Variants in LITAF observed in about 807,000 individuals in gnomAD.
LITAF encodes lipopolysaccharide-induced tumor necrosis factor-alpha factor.
Under a neutral mutation model 14.5 loss-of-function variants are expected in LITAF, and 9 were observed. The observed-to-expected ratio is 0.62, with a 90% CI of 0.37 to 1.08. The LOEUF is 1.08. Ranked by LOEUF, LITAF falls within the 50% of genes least tolerant of loss-of-function variation. The probability of loss-of-function intolerance (pLI) is 0.01; values close to 1 mark genes in which losing one functional copy is unlikely to be tolerated. For synonymous variants in LITAF, 98 were observed against 88.2 expected (o/e 1.11, Z -0.62); for missense variants, 206 against 213.4 (o/e 0.97, Z 0.22).
intron 1 of LITAF, among the ~76,000 whole-genome samples, chr16:11,572,405 CAG>C (rs1394132090): frequency 6.6e-6 from 1 of 151,940 alleles, no homozygotes; most frequent in Non-Finnish European, 1.5e-5. Context: ...TAAAACCACA[CAG>C]AGACAGATGA....
intron 3 of LITAF, among the ~76,000 whole-genome samples, chr16:11,550,873 C>A (rs1265586029): frequency 2.6e-5 from 4 of 152,164 alleles, no homozygotes; most frequent in Admixed American, 1.3e-4. Flanking sequence ...AGAAGACAGC[C>A]ACAGAGAATC....
intron 1 of LITAF, among the ~76,000 whole-genome samples, chr16:11,571,953 G>A (rs1365155821): frequency 6.6e-6 from 1 of 151,926 alleles, no homozygotes; most frequent in East Asian, 1.9e-4. Context: ...GCCAGGCGTG[G>A]TGGTGCGCAC....
chr16:11,636,336 C>T (rs2065138219), exon 1 of LITAF: 1 of 152,216 alleles, frequency 6.6e-6, no homozygotes, highest in African/African-American at 2.4e-5. Context: ...GAAAGAGAAG[C>T]GCTCTCTGCG....
intron 3 of LITAF, among the ~76,000 whole-genome samples, chr16:11,616,499 A>G (rs2065020591): frequency 6.6e-6 from 1 of 151,820 alleles, no homozygotes; most frequent in Admixed American, 6.6e-5. Context: ...ACAAGAAAAA[A>G]AAAAAGAAAA....
At chr16:11,615,221 T>C (rs2065009929) in intron 3 of LITAF, among the ~76,000 whole-genome samples, 1 of 152,000 alleles carries the variant, frequency 6.6e-6, no homozygotes, top group Non-Finnish European at 1.5e-5. Flanking sequence ...GGGGTGTAAA[T>C]GGCATGGGCA....
chr16:11,590,493 T>G (rs2064840959), upstream of LITAF, among the ~76,000 whole-genome samples: 1 of 117,330 alleles, frequency 8.5e-6, no homozygotes, highest in Non-Finnish European at 1.7e-5. Context: ...GTAAATTACA[T>G]GAGATATTCA....
At chr16:11,562,688 A>G (rs2064388280) in intron 1 of LITAF, among the ~76,000 whole-genome samples, 1 of 152,182 alleles carries the variant, frequency 6.6e-6, no homozygotes, top group African/African-American at 2.4e-5. Flanking sequence ...CTTGAGCCCA[A>G]GAGTTTGAGA....
chr16:11,627,085 G>GC (rs1203257537), intron 3 of LITAF, among the ~76,000 whole-genome samples: 1 of 152,098 alleles, frequency 6.6e-6, no homozygotes, highest in Non-Finnish European at 1.5e-5. Context: ...TGCTGCAGAC[G>GC]CGTCCCTCCT....
At chr16:11,571,861 G>A (rs531314175) in intron 1 of LITAF, among the ~76,000 whole-genome samples, 63 of 152,260 alleles carry the variant, frequency 4.1e-4, no homozygotes, top group Non-Finnish European at 6.5e-4. Context: ...ACTTTGGGAG[G>A]TGAGGTGGGG....
At chr16:11,607,376 C>T (rs774100787) in intron 3 of LITAF, among the ~76,000 whole-genome samples, 2 of 152,204 alleles carry the variant, frequency 1.3e-5, no homozygotes, top group Non-Finnish European at 2.9e-5. Flanking sequence ...AAGCCCTTCA[C>T]ACCCAAGAAG....
chr16:11,627,878 G>A (rs189554492), intron 3 of LITAF, among the ~76,000 whole-genome samples: 1 of 151,856 alleles, frequency 6.6e-6, no homozygotes, highest in Admixed American at 6.6e-5. Context: ...TTAGCCGGGC[G>A]TGGTACCACA....
chr16:11,554,840 A>G (rs935801366), intron 2 of LITAF, among the ~76,000 whole-genome samples: 9 of 151,796 alleles, frequency 5.9e-5, no homozygotes, highest in African/African-American at 2.2e-4. Flanking sequence ...AAAATCATCA[A>G]GCACTTCAGT....
intron 2 of LITAF, 181 bp downstream of exon 2, chr16:11,556,330 C>G (rs1282475765): frequency 4.9e-6 from 3 of 609,590 alleles, no homozygotes; most frequent in African/African-American, 3.7e-5. Context: ...TACGGAAAAG[C>G]TGTGAGCCTC....
chr16:11,634,115 C>T lies in LITAF; in HGVS notation c.-20-478G>A, dbSNP rs765161013. Among the ~76,000 whole-genome samples the T allele has an allele frequency of 6.6e-6, 1 of 152,168 alleles. No homozygotes were observed. The highest frequency in any genetic ancestry group is 2.4e-5 in the African/African-American group (1 of 41,436). On this transcript the variant is annotated intron_variant, in intron 2 of 3. Coordinates refer to the LITAF transcript ENST00000574848. This position sits in a 1 kb window ranked among gnomAD's most constrained non-coding sequence, Gnocchi z 4.1. ...ACACACAGACATGAATACACATGTG[C>T]AGAGACTCATATGGGCACTTATACA... is the stretch of plus-strand genomic sequence containing the variant.
At chr16:11,602,217 G>T (rs570586365), upstream of LITAF, among the ~76,000 whole-genome samples, 1 of 152,226 alleles carries the variant, frequency 6.6e-6, no homozygotes, top group South Asian at 2.1e-4. Flanking sequence ...AATTAGCTGG[G>T]TGTGGTGACA....
intron 1 of LITAF, among the ~76,000 whole-genome samples, chr16:11,568,410 C>T (rs1209260358): frequency 1.3e-5 from 2 of 152,134 alleles, no homozygotes; most frequent in Non-Finnish European, 2.9e-5. Context: ...ATACTTGTCA[C>T]TCCACGCTCA....
intron 3 of LITAF, among the ~76,000 whole-genome samples, chr16:11,622,910 C>T (rs990724787): frequency 6.6e-6 from 1 of 150,952 alleles, no homozygotes; most frequent in Non-Finnish European, 1.5e-5. Context: ...ATTTAATCGT[C>T]ATCATGACCC....
At chr16:11,617,537 T>C (rs13329887) in intron 3 of LITAF, among the ~76,000 whole-genome samples, 7,608 of 149,516 alleles carry the variant, frequency 0.051, 488 homozygotes, top group African/African-American at 0.14. Context: ...AGGGATTCTC[T>C]TGCCTCAGCC....
Position 11,549,411 on chromosome 16 carries a change from A to G in LITAF, c.*226T>C, listed in dbSNP as rs903863584. 3.2e-5 allele frequency: 19 copies of G among 588,872 alleles called. No homozygotes were observed. Among genetic ancestry groups the G allele is most frequent in the Non-Finnish European group, 6.1e-5 (19 of 312,546 alleles). 36.5% of individuals were successfully genotyped at this position (588,872 alleles called of 1,614,324 possible). A position where few individuals can be genotyped will look rare whatever the true frequency, so the allele number is the denominator to read the frequency against. ...GGAGGCAGGAAACCGTGGAACTGAC[A>G]CTCAAGGGGAATGTCTTTGCAAGTC... On this transcript the variant is annotated 3_prime_UTR_variant, in exon 4 of 4. Transcript: ENST00000622633. This position sits in a 1 kb window ranked among gnomAD's most constrained non-coding sequence, Gnocchi z 4.6.
Sources: gnomAD v4.1 joint callset for allele counts (sites outside exome capture counted in the v4.1 genomes callset) on GRCh38, gnomAD v4.1.1 for gene constraint, Gnocchi (gnomAD v3.1) non-coding constraint, MANE v1.5 for transcripts, NCBI Gene and HGNC (gene_info 2026-07-23, HGNC 2026-07-21) for gene names.